Variants in SEMA6A observed in about 807,000 individuals in gnomAD.
SEMA6A encodes semaphorin 6A.
Under a neutral mutation model 96.8 loss-of-function variants are expected in SEMA6A, and 25 were observed. The observed-to-expected ratio is 0.26, with a 90% CI of 0.19 to 0.36. The LOEUF is 0.36. Ranked by LOEUF, SEMA6A falls within the 10% of genes least tolerant of loss-of-function variation. The pLI is 1.00. For missense variants in SEMA6A, 1,363 were observed against 1,323.1 expected, an observed-to-expected ratio of 1.03 and a Z score of -0.47; for synonymous variants, 612 against 518.0, an observed-to-expected ratio of 1.18 and a Z score of -2.46.
At chr5:116,482,375 T>C (rs1756826308) in intron 11 of SEMA6A, 69 bp downstream of exon 11, 1 of 1,523,990 alleles carries the variant, frequency 6.6e-7, no homozygotes, top group African/African-American at 1.4e-5. Context: ...TCATAGGATG[T>C]TCATTATCAG....
At chr5:116,485,714 T>C (rs892381695) in intron 10 of SEMA6A, among the ~76,000 whole-genome samples, 1 of 152,204 alleles carries the variant, frequency 6.6e-6, no homozygotes, top group Non-Finnish European at 1.5e-5. Context: ...TTGTAAAAAG[T>C]TTTATAATTC....
chr5:116,467,975 C>T lies in SEMA6A; in HGVS notation c.1730-228G>A, dbSNP rs1446120412. 3 of 529,616 alleles carry T rather than the reference C, an allele frequency of 5.7e-6. No individual in the cohort carries two copies. The African/African-American group carries it at 5.8e-5, about 10-fold the overall frequency. 32.8% of individuals were successfully genotyped at this position (529,616 alleles called of 1,614,324 possible). ...TAGTTAGAAAATGAAGGGCCAGATC[C>T]TATCTCTCATACTTGCTGGGTGGGC... On this transcript the variant is annotated intron_variant, in intron 17 of 18. Coordinates refer to ENST00000343348, the MANE Select transcript of SEMA6A (RefSeq NM_020796.5).
At chr5:116,467,105 T>A (rs1305437934) in intron 18 of SEMA6A, among the ~76,000 whole-genome samples, 1 of 152,132 alleles carries the variant, frequency 6.6e-6, no homozygotes, top group African/African-American at 2.4e-5. Context: ...TCTATTCAAA[T>A]TCAGCACCAT....
intron 18 of SEMA6A, among the ~76,000 whole-genome samples, chr5:116,462,442 T>C (rs189086782): frequency 6.6e-6 from 1 of 152,234 alleles, no homozygotes; most frequent in East Asian, 1.9e-4. Flanking sequence ...AGGCTACAAT[T>C]TGAGTAATAA....
Position 116,447,449 on chromosome 5 carries a change from T to A in SEMA6A, c.2257A>T (p.Thr753Ser). The change falls in exon 19 of 19, where the codon ACG becomes TCG. Residue 753 changes from threonine to serine, a missense_variant. Coordinates refer to ENST00000343348, the MANE Select transcript of SEMA6A (RefSeq NM_020796.5). ...IKADQHHLDL[T>S]ALPTPESTPT... ...GTTGACTCTGGGGTGGGGAGGGCCG[T>A]CAGGTCCAGGTGGTGCTGGTCTGCT... 1 of 1,614,056 alleles carries A rather than the reference T, an allele frequency of 6.2e-7. No individual in the cohort carries two copies. Among genetic ancestry groups the A allele is most frequent in the South Asian group, 1.1e-5 (1 of 91,088 alleles).
At chr5:116,473,397 C>T (rs932921951) in intron 16 of SEMA6A, among the ~76,000 whole-genome samples, 1 of 152,140 alleles carries the variant, frequency 6.6e-6, no homozygotes, top group Non-Finnish European at 1.5e-5. Context: ...GAGTTTAAAC[C>T]CTTCTTTATA....
chr5:116,493,736 A>G (rs147428068), intron 6 of SEMA6A, among the ~76,000 whole-genome samples: 8 of 152,252 alleles, frequency 5.3e-5, no homozygotes, highest in African/African-American at 1.9e-4. Context: ...TGCGGATTCC[A>G]GCCTATCATT....
At chr5:116,529,733 C>A (rs547415178) in intron 1 of SEMA6A, among the ~76,000 whole-genome samples, 1 of 152,072 alleles carries the variant, frequency 6.6e-6, no homozygotes, top group Non-Finnish European at 1.5e-5. Flanking sequence ...GGCAAACTAA[C>A]ACAGGAACAG....
At chr5:116,475,668 G>A in intron 15 of SEMA6A, 65 bp from the exon 16 acceptor site, 2 of 1,225,014 alleles carry the variant, frequency 1.6e-6, no homozygotes, top group South Asian at 1.3e-5. Flanking sequence ...TCAGAAATGA[G>A]TCAAGCTTCA....
At chr5:116,573,299 C>T (rs960337622) in intron 1 of SEMA6A, among the ~76,000 whole-genome samples, 4 of 152,164 alleles carry the variant, frequency 2.6e-5, no homozygotes, top group African/African-American at 9.7e-5. Context: ...CTCACCCTTC[C>T]CCCTCCTGGG....
At chr5:116,476,388 T>C (rs1756448854) in intron 15 of SEMA6A, among the ~76,000 whole-genome samples, 1 of 152,248 alleles carries the variant, frequency 6.6e-6, no homozygotes, top group African/African-American at 2.4e-5. Context: ...TTTCAGAGTT[T>C]ATTTATGAGC....
intron 1 of SEMA6A, chr5:116,562,748 G>A (rs899472299): frequency 1.2e-5 from 9 of 733,190 alleles, no homozygotes; most frequent in South Asian, 1.2e-4. Flanking sequence ...GAAGGTGAAG[G>A]CAGACCGAGA....
intron 10 of SEMA6A, among the ~76,000 whole-genome samples, chr5:116,484,277 T>A (rs1398324485): frequency 6.6e-6 from 1 of 152,180 alleles, no homozygotes; most frequent in Admixed American, 6.5e-5. Flanking sequence ...ACTAAAGATA[T>A]CCTAGGGTTT....
intron 18 of SEMA6A, 86 bp downstream of exon 18, chr5:116,467,497 C>T (rs1755832576): frequency 1.4e-6 from 2 of 1,394,234 alleles, no homozygotes; most frequent in East Asian, 2.5e-5. Context: ...TAAATGCTGC[C>T]AAAATTCAGC....
intron 2 of SEMA6A, 181 bp from the exon 3 acceptor site, chr5:116,502,508 G>T: frequency 3.7e-6 from 2 of 545,482 alleles, no homozygotes; most frequent in African/African-American, 1.9e-5. Context: ...TGCTCCTTAA[G>T]GTTCATCAAG....
In SEMA6A at chr5:116,451,104, G is replaced by A. The variant is rs1313134434; in HGVS notation, c.1895-3293C>T. 5.3e-5 allele frequency among the ~76,000 whole-genome samples: 8 copies of A among 152,168 alleles called. 1 individual carries two copies. Among genetic ancestry groups the A allele is most frequent in the Admixed American group, 5.2e-4 (8 of 15,270 alleles). On this transcript the variant is annotated intron_variant, in intron 18 of 18. Coordinates refer to ENST00000343348, the MANE Select transcript of SEMA6A (RefSeq NM_020796.5). The stretch of plus-strand genomic sequence containing the variant: ...CTGGCTGGGTGACCTTTTGGCAAGT[G>A]ACTTAACATCTCTGGGCCTCAGTTT...
chr5:116,567,562 A>C (rs898866359), intron 1 of SEMA6A, among the ~76,000 whole-genome samples: 1 of 152,088 alleles, frequency 6.6e-6, no homozygotes, highest in Non-Finnish European at 1.5e-5. Flanking sequence ...TCTTCTCAAA[A>C]CCATAACATT....
chr5:116,562,832 G>C (rs1365297443), intron 1 of SEMA6A: 1 of 696,864 alleles, frequency 1.4e-6, no homozygotes, highest in East Asian at 2.9e-5. Flanking sequence ...GGGTATTACT[G>C]CCTTACACAT....
chr5:116,487,948 G>T (rs548920886), intron 9 of SEMA6A, among the ~76,000 whole-genome samples, 160 bp downstream of exon 9: 3 of 152,116 alleles, frequency 2.0e-5, no homozygotes, highest in African/African-American at 7.2e-5. Context: ...AATTTCCTGC[G>T]ATTTCGTTAC....
Sources: allele counts gnomAD v4.1 joint callset (sites outside exome capture counted in the v4.1 genomes callset), GRCh38; gene constraint gnomAD v4.1.1; transcripts MANE v1.5; gene names NCBI Gene and HGNC (gene_info 2026-07-23, HGNC 2026-07-21).